IL6ST: variants seen among roughly 807,000 people sequenced by gnomAD.
IL6ST encodes the protein interleukin-6 receptor subunit beta.
Under a neutral mutation model 91.3 loss-of-function variants are expected in IL6ST, and 24 were observed. That is an observed-to-expected ratio of 0.26 (90% CI 0.19 to 0.37). IL6ST has a LOEUF of 0.37. Among genes scored for constraint, IL6ST ranks in the 10% least tolerant of loss-of-function variants. The pLI, the probability that IL6ST is intolerant of heterozygous loss-of-function variation, is 1.00. For synonymous variants in IL6ST, 351 were observed against 373.6 expected (o/e 0.94, Z 0.70); for missense variants, 914 against 1,078.5 (o/e 0.85, Z 2.14).
chr5:55,983,406 G>A (rs897275715), intron 1 of IL6ST, among the ~76,000 whole-genome samples: 13 of 152,194 alleles, frequency 8.5e-5, no homozygotes, highest in African/African-American at 2.9e-4. Context: ...GACAGACGGA[G>A]TTCTTTAACA....
Position 55,976,283 on chromosome 5 carries a change from C to T in IL6ST, c.-5G>A, listed in dbSNP as rs758385880. On this transcript the variant is annotated 5_prime_UTR_variant, in exon 3 of 17. Coordinates refer to ENST00000381298, the MANE Select transcript of IL6ST (RefSeq NM_002184.4). ...CCAAGTCTGCAACGTCAACATCTTG[C>T]GCGGATATTTCTGCAACAGACACAT... 1.3e-5 allele frequency: 21 copies of T among 1,576,606 alleles called. No homozygotes were observed. Among genetic ancestry groups the T allele is most frequent in the East Asian group, 7.0e-5 (3 of 42,898 alleles).
chr5:55,994,404 G>C (rs1240904680), intron 1 of IL6ST, among the ~76,000 whole-genome samples: 1 of 152,152 alleles, frequency 6.6e-6, no homozygotes, highest in African/African-American at 2.4e-5. Context: ...TCCACCTCGA[G>C]AATGAAGACA....
intron 8 of IL6ST, chr5:55,959,657 G>A (rs1171718142): frequency 1.2e-5 from 16 of 1,297,250 alleles, no homozygotes; most frequent in Non-Finnish European, 1.6e-5. Flanking sequence ...CCGCTTCCCA[G>A]GGGCTTATCA....
chr5:55,994,148 TG>T (rs1754503504), intron 1 of IL6ST: 2 of 150,106 alleles, frequency 1.3e-5, no homozygotes, highest in Non-Finnish European at 3.0e-5. Context: ...GTTCATCCAC[TG>T]AAGAACAGAC....
At chr5:55,963,949 G>A (rs1479351591) in intron 6 of IL6ST, among the ~76,000 whole-genome samples, 197 bp downstream of exon 6, 1 of 151,846 alleles carries the variant, frequency 6.6e-6, no homozygotes, top group Non-Finnish European at 1.5e-5. Context: ...AAATCACTAA[G>A]ATAAATGCTT....
chr5:55,983,303 T>C (rs1753769715), intron 1 of IL6ST, among the ~76,000 whole-genome samples: 1 of 152,176 alleles, frequency 6.6e-6, no homozygotes, highest in Non-Finnish European at 1.5e-5. Context: ...TATGATTTGA[T>C]ATACGCTTGC....
chr5:55,964,057 A>G, intron 6 of IL6ST, 89 bp downstream of exon 6: 1 of 611,490 alleles, frequency 1.6e-6, no homozygotes, highest in East Asian at 3.5e-5. Flanking sequence ...ATCTACATTA[A>G]AATCTTAAAA....
chr5:55,969,999 AAATT>A, intron 3 of IL6ST, 144 bp from the exon 4 acceptor site: 1 of 535,124 alleles, frequency 1.9e-6, no homozygotes, highest in East Asian at 2.8e-5. Context: ...ACACAACTGA[AAATT>A]AATATGGTTA....
At chr5:55,978,391 C>G (rs1490063460) in intron 2 of IL6ST, 3 of 152,216 alleles carry the variant, frequency 2.0e-5, no homozygotes, top group Non-Finnish European at 4.4e-5. Flanking sequence ...GTAAGCCTGT[C>G]CTTTGCTCCA....
In IL6ST at chr5:55,976,284, G is replaced by A. The variant is rs376903814; in HGVS notation, c.-6C>T. ...CAAGTCTGCAACGTCAACATCTTGC[G>A]CGGATATTTCTGCAACAGACACATG... is the stretch of plus-strand genomic sequence containing the variant. On this transcript the variant is annotated 5_prime_UTR_variant, in exon 3 of 17. Transcript: ENST00000381298. 1.6e-5 allele frequency: 26 copies of A among 1,575,806 alleles called. No individual in the cohort carries two copies. The East Asian group carries it at 2.3e-4, about 14-fold the overall frequency.
At position 55,940,133 on chromosome 5, in the gene IL6ST, G is replaced by GTGTGTGTA. The variant is rs1554022477; in HGVS notation, c.*948_*949insTACACACA. 211 of 183,846 alleles carry GTGTGTGTA rather than the reference G, an allele frequency of 1.1e-3. No individual in the cohort carries two copies. Among genetic ancestry groups the GTGTGTGTA allele is most frequent in the Middle Eastern group, 8.4e-3 (5 of 592 alleles). 11.4% of individuals were successfully genotyped at this position (183,846 alleles called of 1,614,324 possible). A position where few individuals can be genotyped will look rare whatever the true frequency, so the allele number is the denominator to read the frequency against. On this transcript the variant is annotated 3_prime_UTR_variant, in exon 17 of 17. Coordinates refer to ENST00000381298, the MANE Select transcript of IL6ST (RefSeq NM_002184.4). Reference sequence around the variant, plus strand: ...TAAGAAAAGTCAATGATATGTGTGTGTATATATATATATATATATACACAC... The same window carrying GTGTGTGTA: ...TAAGAAAAGTCAATGATATGTGTGTGTGTGTGTATATATATATATATATATATACACAC...
At chr5:55,977,189 C>T (rs777363755) in intron 2 of IL6ST, among the ~76,000 whole-genome samples, 1 of 151,626 alleles carries the variant, frequency 6.6e-6, no homozygotes, top group African/African-American at 2.4e-5. Flanking sequence ...GAATGAATCT[C>T]AAAAGCATTA....
At chr5:55,963,738 A>C (rs1335749718) in intron 6 of IL6ST, among the ~76,000 whole-genome samples, 1 of 152,196 alleles carries the variant, frequency 6.6e-6, no homozygotes, top group Non-Finnish European at 1.5e-5. Context: ...CTTCAGGTTC[A>C]TATGTCAAAA....
Position 55,946,900 on chromosome 5 carries a change from C to T in IL6ST, c.1937+593G>A, listed in dbSNP as rs145062042. On this transcript the variant is annotated intron_variant, in intron 15 of 16. Coordinates refer to ENST00000381298, the MANE Select transcript of IL6ST (RefSeq NM_002184.4). ...TAAAAGACATACGCAAAAGACTACA[C>T]GCTATGTGATTCTATTTATATAAAA... Among the ~76,000 whole-genome samples the T allele has an allele frequency of 1.7e-3, 260 of 151,982 alleles. 1 individual carries two copies. Among genetic ancestry groups the T allele is most frequent in the African/African-American group, 5.2e-3 (216 of 41,470 alleles).
At chr5:55,984,715 T>C (rs759012438) in intron 1 of IL6ST, among the ~76,000 whole-genome samples, 2 of 152,216 alleles carry the variant, frequency 1.3e-5, no homozygotes, top group African/African-American at 2.4e-5. Context: ...TTTTGAGCTC[T>C]GGCATTTTGG....
rs1281623642 is a variant in IL6ST at position 55,956,182 on chromosome 5, G to A, written c.1110C>T (p.Leu370=). The change falls in exon 10 of 17, where the codon CTC becomes CTT. Residue 370 remains leucine (L), a synonymous_variant. Transcript: ENST00000381298. ...TTTGTAAATGTGATTTCCATCTTGT[G>A]AGAGTCACTTCATAATCCAAGATTT... is the stretch of plus-strand genomic sequence containing the variant. The part of the protein sequence containing the change: ...NGKILDYEVT[L]TRWKSHLQNY... 6.2e-7 allele frequency: 1 copy of A among 1,612,420 alleles called. No individual in the cohort carries two copies.
intron 15 of IL6ST, among the ~76,000 whole-genome samples, chr5:55,944,055 G>C (rs1275724667): frequency 2.6e-5 from 4 of 152,140 alleles, no homozygotes; most frequent in Non-Finnish European, 5.9e-5. Flanking sequence ...TCCAGCCTGG[G>C]CAACAAGAGT....
intron 5 of IL6ST, among the ~76,000 whole-genome samples, chr5:55,966,611 A>G (rs1458494954): frequency 6.6e-6 from 1 of 152,210 alleles, no homozygotes; most frequent in African/African-American, 2.4e-5. Context: ...TACTGAAGTG[A>G]TTAAGGGTGA....
At chr5:55,968,777 T>G (rs1431951910) in intron 4 of IL6ST, among the ~76,000 whole-genome samples, 2 of 152,368 alleles carry the variant, frequency 1.3e-5, no homozygotes, top group South Asian at 2.1e-4. Context: ...TTCATTTATA[T>G]TTCTCTTCTT....
Sources: gnomAD v4.1 joint callset for allele counts (sites outside exome capture counted in the v4.1 genomes callset) on GRCh38, gnomAD v4.1.1 for gene constraint, MANE v1.5 for transcripts, NCBI Gene and HGNC (gene_info 2026-07-23, HGNC 2026-07-21) for gene names.